C4orf50: variants seen among roughly 807,000 people sequenced by gnomAD.
C4orf50 encodes the protein uncharacterized protein C4orf50.
Under a neutral mutation model 77.2 loss-of-function variants are expected in C4orf50, and 80 were observed. The observed-to-expected ratio is 1.04, with a 90% CI of 0.87 to 1.25. C4orf50 has a LOEUF of 1.25. C4orf50 is among the 50% of genes most tolerant of loss of function. The pLI is 0.00. For synonymous variants in C4orf50, 532 were observed against 465.3 expected, an observed-to-expected ratio of 1.14 and a Z score of -1.84; for missense variants, 1,257 against 1,152.9, an observed-to-expected ratio of 1.09 and a Z score of -1.31.
rs1719864732 is a variant in C4orf50 at position 5,970,794 on chromosome 4, C to G, written c.4104+2865G>C. Reference sequence around the variant, plus strand: ...TAGTGGCCTCAGCCCAAGGCCCAGCCCCCACCCCCTCAACAGCCCTGGGAC... The same window carrying G: ...TAGTGGCCTCAGCCCAAGGCCCAGCGCCCACCCCCTCAACAGCCCTGGGAC... On this transcript the variant is annotated intron_variant, in intron 31 of 33. Coordinates refer to ENST00000531445, the Ensembl canonical transcript of C4orf50. This position sits in a 1 kb window ranked among gnomAD's most constrained non-coding sequence, Gnocchi z 4.3. Among the ~76,000 whole-genome samples, 1 of 152,344 alleles carries G rather than the reference C, an allele frequency of 6.6e-6. No individual in the cohort carries two copies. Among genetic ancestry groups the G allele is most frequent in the Non-Finnish European group, 1.5e-5 (1 of 68,030 alleles).
intron 25 of C4orf50, among the ~76,000 whole-genome samples, chr4:6,004,204 T>C (rs1722068372): frequency 9.6e-6 from 1 of 104,488 alleles, no homozygotes; most frequent in Non-Finnish European, 2.2e-5. Flanking sequence ...ATGGTGATGG[T>C]GATGATGGTG....
At chr4:5,993,517 TTA>T (rs745357564) in intron 26 of C4orf50, among the ~76,000 whole-genome samples, 4 of 152,170 alleles carry the variant, frequency 2.6e-5, no homozygotes, top group Admixed American at 2.0e-4. Context: ...GCTGAGGCTG[TTA>T]TGAGATATGG....
At chr4:5,950,440 C>T (rs921869375) in intron 7 of C4orf50, among the ~76,000 whole-genome samples, 4 of 152,188 alleles carry the variant, frequency 2.6e-5, no homozygotes, top group African/African-American at 7.2e-5. Flanking sequence ...TCATTGTCGA[C>T]GTTGCTGATG....
chr4:5,925,705 C>G (rs1717484154), intron 7 of C4orf50, among the ~76,000 whole-genome samples: 1 of 152,280 alleles, frequency 6.6e-6, no homozygotes, highest in Non-Finnish European at 1.5e-5. Flanking sequence ...AGACATGGCC[C>G]TGGCCTTGGG....
Position 6,008,667 on chromosome 4 carries a change from A to C in C4orf50, c.427-135T>G. 1 of 392,428 alleles carries C rather than the reference A, an allele frequency of 2.5e-6. No homozygotes were observed. Among genetic ancestry groups the C allele is most frequent in the East Asian group, 3.6e-5 (1 of 27,616 alleles). 24.3% of individuals were successfully genotyped at this position (392,428 alleles called of 1,614,324 possible). A position where few individuals can be genotyped will look rare whatever the true frequency, so the allele number is the denominator to read the frequency against. On this transcript the variant is annotated intron_variant, in intron 24 of 33. Coordinates refer to ENST00000531445, the Ensembl canonical transcript of C4orf50. The surrounding 1 kb of genome is among the most constrained non-coding windows in gnomAD (Gnocchi z 6.0). ...TGCATTTTGTGCATTGTAATAGTGC[A>C]TCAAAGTATTATCTCTTTGACTGTT...
Position 5,905,215 on chromosome 4 carries a change from C to T in C4orf50, c.*2475-7027G>A, listed in dbSNP as rs1716496689. The T allele has an allele frequency of 6.6e-6, 1 of 152,232 alleles. No homozygotes were observed. The highest frequency in any genetic ancestry group is 2.1e-4 in the South Asian group (1 of 4,830). 9.4% of individuals were successfully genotyped at this position (152,232 alleles called of 1,614,324 possible). On this transcript the variant is annotated intron_variant, in intron 7 of 7. Coordinates refer to the C4orf50 transcript ENST00000324058. This position sits in a 1 kb window ranked among gnomAD's most constrained non-coding sequence, Gnocchi z 5.4. ...ACCCGGCTTCCTGTCACTCACATGG[C>T]ATTAAATATGGGCTTCTTACAGTCA...
At chr4:5,926,223 G>T (rs1322635092) in intron 7 of C4orf50, among the ~76,000 whole-genome samples, 1 of 152,176 alleles carries the variant, frequency 6.6e-6, no homozygotes, top group Non-Finnish European at 1.5e-5. Flanking sequence ...ACCTAAATAT[G>T]GCCCATCTAT....
intron 30 of C4orf50, among the ~76,000 whole-genome samples, chr4:5,975,012 T>G (rs927890666): frequency 6.6e-6 from 1 of 151,754 alleles, no homozygotes; most frequent in Middle Eastern, 3.2e-3. Context: ...TGGTGGCACA[T>G]GCCTGTAATC....
intron 33 of C4orf50, among the ~76,000 whole-genome samples, chr4:5,962,124 T>C (rs1719309008): frequency 6.6e-6 from 1 of 152,178 alleles, no homozygotes; most frequent in African/African-American, 2.4e-5. Flanking sequence ...CCGTGTACCT[T>C]CCAGAGAAAC....
At chr4:6,010,219 G>T (rs527853290) in intron 24 of C4orf50, among the ~76,000 whole-genome samples, 3 of 152,224 alleles carry the variant, frequency 2.0e-5, no homozygotes, top group Non-Finnish European at 4.4e-5. Flanking sequence ...ACTCAACGCC[G>T]CTCTACCTAT....
chr4:5,947,702 G>T (rs1223961388), intron 7 of C4orf50, among the ~76,000 whole-genome samples: 1 of 152,066 alleles, frequency 6.6e-6, no homozygotes, highest in East Asian at 1.9e-4. Context: ...CCCCACTGGA[G>T]CCCTGGATGT....
rs578143999 is a variant in C4orf50 at position 5,982,163 on chromosome 4, G to A, written c.3700-1825C>T. On this transcript the variant is annotated intron_variant, in intron 28 of 33. Transcript: ENST00000531445. ...GTCCCGTAAAATTCAGCTTCAAGAC[G>A]TCAAAACAACTTGGCCTTTCTGGGA... Among the ~76,000 whole-genome samples the A allele has an allele frequency of 3.3e-5, 5 of 152,256 alleles. No individual in the cohort carries two copies. The South Asian group carries it at 1.0e-3, about 32-fold the overall frequency.
chr4:5,945,453 G>C (rs1377045968), intron 7 of C4orf50, among the ~76,000 whole-genome samples: 1 of 152,166 alleles, frequency 6.6e-6, no homozygotes, highest in Non-Finnish European at 1.5e-5. Flanking sequence ...CGGGAGAGGG[G>C]AAACCTCCGA....
intron 25 of C4orf50, among the ~76,000 whole-genome samples, chr4:5,995,431 C>T (rs1257228087): frequency 4.6e-5 from 7 of 151,732 alleles, no homozygotes; most frequent in Non-Finnish European, 1.0e-4. Flanking sequence ...AATTCAGAGG[C>T]AGCTCCTTCC....
chr4:6,001,900 A>T (rs1007517093), intron 25 of C4orf50, among the ~76,000 whole-genome samples: 12 of 152,224 alleles, frequency 7.9e-5, no homozygotes, highest in African/African-American at 2.7e-4. Flanking sequence ...TGGGAGGCTC[A>T]GCCCAGCACT....
At chr4:5,906,751 G>A (rs575010268) in intron 7 of C4orf50, among the ~76,000 whole-genome samples, 3 of 152,302 alleles carry the variant, frequency 2.0e-5, no homozygotes, top group Admixed American at 1.3e-4. Context: ...TCAGGGCATT[G>A]TTCGTGTAGG....
At chr4:6,014,907 C>T (rs1488732402) in intron 23 of C4orf50, among the ~76,000 whole-genome samples, 1 of 152,182 alleles carries the variant, frequency 6.6e-6, no homozygotes, top group African/African-American at 2.4e-5. Flanking sequence ...GTCACAGAGG[C>T]CCCTCCTCCC....
rs1722096567 is a variant in C4orf50, at chr4:6,004,274, G to GTGA, written c.963+3719_963+3721dup. 1.5e-4 allele frequency among the ~76,000 whole-genome samples: 7 copies of GTGA among 47,268 alleles called. 1 individual carries two copies. Among genetic ancestry groups the GTGA allele is most frequent in the East Asian group, 2.0e-3 (1 of 494 alleles). 31.0% of individuals were successfully genotyped at this position (47,268 alleles called of 152,430 possible). On this transcript the variant is annotated intron_variant, in intron 25 of 33. Coordinates refer to ENST00000531445, the Ensembl canonical transcript of C4orf50. ...GATGGTGATGGTGATGGTGGTGATG[G>GTGA]TGATGGTGATGTTGGTGATGATGGT... is the stretch of plus-strand genomic sequence containing the variant.
At chr4:5,943,404 C>T (rs542546443) in intron 7 of C4orf50, among the ~76,000 whole-genome samples, 1 of 152,298 alleles carries the variant, frequency 6.6e-6, no homozygotes, top group Admixed American at 6.5e-5. Context: ...TGCACCTTTG[C>T]ACTGATGTCC....
Sources: allele counts gnomAD v4.1 joint callset (sites outside exome capture counted in the v4.1 genomes callset), GRCh38; gene constraint gnomAD v4.1.1; non-coding constraint Gnocchi (gnomAD v3.1); transcripts MANE v1.5; gene names NCBI Gene and HGNC (gene_info 2026-07-23, HGNC 2026-07-21).